Variants in PCDH9 observed in about 807,000 individuals in gnomAD.
The protein encoded by PCDH9 is protocadherin-9.
A neutral mutation model predicts 70.6 loss-of-function variants in PCDH9; 24 were observed. The ratio of observed to expected loss-of-function variants is 0.34; its 90% CI spans 0.25 to 0.48. The LOEUF is 0.48. Among genes scored for constraint, PCDH9 ranks in the 20% least tolerant of loss-of-function variants. The pLI, the probability that PCDH9 is intolerant of heterozygous loss-of-function variation, is 0.99. For synonymous variants in PCDH9, 562 were observed against 558.5 expected (o/e 1.01, Z -0.09); for missense variants, 1,281 against 1,503.6 (o/e 0.85, Z 2.45).
intron 2 of PCDH9, among the ~76,000 whole-genome samples, chr13:66,968,565 A>G (rs185691257): frequency 1.0e-3 from 156 of 152,150 alleles, no homozygotes; most frequent in Admixed American, 2.3e-3. Flanking sequence ...CTGATGGCAC[A>G]GGTATATTGT....
chr13:67,176,655 T>C (rs766589466), intron 2 of PCDH9, among the ~76,000 whole-genome samples: 2 of 152,038 alleles, frequency 1.3e-5, no homozygotes, highest in Non-Finnish European at 2.9e-5. Flanking sequence ...ATATATATTA[T>C]CTATAATAGA....
intron 2 of PCDH9, among the ~76,000 whole-genome samples, chr13:67,023,352 T>C (rs932150245): frequency 6.6e-6 from 1 of 152,214 alleles, no homozygotes; most frequent in South Asian, 2.1e-4. Context: ...ATTAGCATCC[T>C]TTGTAACACA....
At chr13:66,682,070 T>C (rs1372520133) in intron 3 of PCDH9, among the ~76,000 whole-genome samples, 1 of 151,622 alleles carries the variant, frequency 6.6e-6, no homozygotes, top group Non-Finnish European at 1.5e-5. Context: ...ACCTAAAAAA[T>C]AGTTATCTAT....
chr13:66,739,433 C>G (rs1470450083), intron 3 of PCDH9, among the ~76,000 whole-genome samples: 1 of 150,944 alleles, frequency 6.6e-6, no homozygotes, highest in Non-Finnish European at 1.5e-5. Flanking sequence ...ACTGCATCAA[C>G]TAACGAGCAA....
intron 2 of PCDH9, chr13:67,220,448 T>C (rs572617946): frequency 2.6e-5 from 4 of 152,042 alleles, no homozygotes; most frequent in African/African-American, 7.2e-5. Context: ...TTCCCTCTAC[T>C]TTACTATTTC....
At chr13:66,837,664 A>G (rs1254997982) in intron 3 of PCDH9, among the ~76,000 whole-genome samples, 3 of 152,154 alleles carry the variant, frequency 2.0e-5, no homozygotes, top group Non-Finnish European at 4.4e-5. Context: ...CTTATTTCCA[A>G]TGTCGCTCTG....
At chr13:67,214,595 CAAAATG>C (rs1314995542) in intron 2 of PCDH9, 1 of 151,838 alleles carries the variant, frequency 6.6e-6, no homozygotes, top group Non-Finnish European at 1.5e-5. Context: ...GTAAAATACT[CAAAATG>C]AAAGACGAAG....
intron 2 of PCDH9, among the ~76,000 whole-genome samples, chr13:66,981,379 A>G (rs539481013): frequency 2.3e-4 from 35 of 151,614 alleles, no homozygotes; most frequent in Admixed American, 1.8e-3. Flanking sequence ...CGGAGGTTGC[A>G]ATGAGCCGAG....
In PCDH9 at chr13:67,226,646, C is replaced by T; in HGVS notation, c.1795G>A (p.Ala599Thr). 6.2e-7 allele frequency: 1 copy of T among 1,614,006 alleles called. No individual in the cohort carries two copies. Among genetic ancestry groups the T allele is most frequent in the South Asian group, 1.1e-5 (1 of 91,080 alleles). Residue 599 changes from alanine (A) to threonine (T), a missense_variant, in exon 2 of 5, where the codon GCA (alanine) becomes ACA (threonine). Ala to Thr is a moderately conservative substitution (Grantham distance 58). Transcript: ENST00000377865. This position sits in a 1 kb window ranked among gnomAD's most constrained non-coding sequence, Gnocchi z 5.0. ...ACAGCTTTATTCTCTCCAGCATCTG[C>T]ATCTGTCACTGTGATTACCCCCACA... is the stretch of plus-strand genomic sequence containing the variant. ...STVGVITVTD[A>T]DAGENKAVTL...
rs1593998583 is a variant in PCDH9 at position 66,747,136 on chromosome 13, G to C, written c.3139-115725C>G. On this transcript the variant is annotated intron_variant, in intron 3 of 4. Transcript: ENST00000377865. ...GGAGGCAGAGGCGGGTGGATCACGA[G>C]GTCAGGAGTTCAAGACCAGTCTGGC... is the stretch of plus-strand genomic sequence containing the variant. Among the ~76,000 whole-genome samples, 4 of 152,170 alleles carry C rather than the reference G, an allele frequency of 2.6e-5. No individual in the cohort carries two copies. In the South Asian group the frequency reaches 8.3e-4, roughly 32 times the overall value.
In PCDH9 at chr13:66,566,147, C is replaced by T. The variant is rs553352740; in HGVS notation, c.3340+65063G>A. The stretch of plus-strand genomic sequence containing the variant: ...AACTTTCAAAACCATGAAAGTTTAA[C>T]GCTCAATTGGAAGCTATTTGACTTG... On this transcript the variant is annotated intron_variant, in intron 4 of 4. Coordinates refer to ENST00000377865, the MANE Select transcript of PCDH9 (RefSeq NM_203487.3). 5.9e-5 allele frequency among the ~76,000 whole-genome samples: 9 copies of T among 152,260 alleles called. No homozygotes were observed. The East Asian group carries it at 7.7e-4, about 13-fold the overall frequency.
rs192561411 is a variant in PCDH9 at position 66,557,861 on chromosome 13, A to G, written c.3340+73349T>C. On this transcript the variant is annotated intron_variant, in intron 4 of 4. Transcript: ENST00000377865. ...AATATAATCGCATTAGAGACAAAGA[A>G]GAGAAGTGGGCTGGAAACAGTGGCT... Among the ~76,000 whole-genome samples the G allele has an allele frequency of 7.7e-4, 117 of 152,312 alleles. 1 individual carries two copies. In the East Asian group the frequency reaches 0.014, roughly 19 times the overall value.
At position 67,053,625 on chromosome 13, in the gene PCDH9, T is replaced by G. The variant is rs114570006; in HGVS notation, c.3037-150020A>C. 7.2e-3 allele frequency among the ~76,000 whole-genome samples: 1,103 copies of G among 152,294 alleles called. 10 individuals carry two copies. The highest frequency in any genetic ancestry group is 0.025 in the African/African-American group (1,036 of 41,564). On this transcript the variant is annotated intron_variant, in intron 2 of 4. Transcript: ENST00000377865. ...ATGCTGAATTAATCTCCTTCTATAT[T>G]TGTGCACTCAAACAAACTAAGCAAT...
At chr13:66,978,130 G>A (rs1297030254) in intron 2 of PCDH9, among the ~76,000 whole-genome samples, 2 of 152,112 alleles carry the variant, frequency 1.3e-5, no homozygotes, top group African/African-American at 4.8e-5. Flanking sequence ...TATAGTTTCA[G>A]GTTATTGATA....
chr13:66,620,603 A>T (rs2138899027), intron 4 of PCDH9, among the ~76,000 whole-genome samples: 1 of 152,326 alleles, frequency 6.6e-6, no homozygotes, highest in Admixed American at 6.5e-5. Context: ...ATTCTATGCT[A>T]AAACCCACTC....
chr13:66,778,160 T>C (rs908447020), intron 3 of PCDH9, among the ~76,000 whole-genome samples: 2 of 150,942 alleles, frequency 1.3e-5, no homozygotes, highest in Non-Finnish European at 3.0e-5. Context: ...GAGGTATAGC[T>C]TTAGGAGATA....
intron 2 of PCDH9, among the ~76,000 whole-genome samples, chr13:66,960,896 A>G (rs1291954159): frequency 4.6e-5 from 7 of 152,144 alleles, no homozygotes. Flanking sequence ...TTGAAGGTTA[A>G]CCTGTTTAGA....
chr13:66,605,097 G>T (rs7981098), intron 4 of PCDH9, among the ~76,000 whole-genome samples: 149,599 of 152,180 alleles, frequency 0.98, 73,583 homozygotes, highest in East Asian at 1. Context: ...ATTACTAGAA[G>T]GTTTATGCTA....
intron 2 of PCDH9, among the ~76,000 whole-genome samples, chr13:66,911,330 T>C (rs900834877): frequency 6.6e-6 from 1 of 152,170 alleles, no homozygotes; most frequent in Non-Finnish European, 1.5e-5. Context: ...GATCATGTAT[T>C]TGCCCACATC....
Sources: gnomAD v4.1 joint callset for allele counts (sites outside exome capture counted in the v4.1 genomes callset) on GRCh38, gnomAD v4.1.1 for gene constraint, Gnocchi (gnomAD v3.1) non-coding constraint, MANE v1.5 for transcripts, NCBI Gene and HGNC (gene_info 2026-07-23, HGNC 2026-07-21) for gene names.